Variants in LCT observed in about 807,000 individuals in gnomAD.
LCT encodes lactase.
In LCT, 90 loss-of-function variants were observed where a neutral mutation model predicts 173.0. The observed-to-expected ratio is 0.52, with a 90% CI of 0.44 to 0.62. The LOEUF (loss-of-function observed/expected upper bound fraction) is 0.62, where lower values mean the gene tolerates loss of function less well. LCT is among the 20% of genes least tolerant of loss of function. LCT has a pLI of 0.00. For missense variants in LCT, 1,864 were observed against 2,431.4 expected (o/e 0.77, Z 4.91); for synonymous variants, 853 against 957.6 (o/e 0.89, Z 2.02).
At chr2:135,823,792 T>C in intron 4 of LCT, 109 bp downstream of exon 4, 1 of 772,424 alleles carries the variant, frequency 1.3e-6, no homozygotes, top group South Asian at 1.5e-5. Flanking sequence ...TATACTAGTC[T>C]TCCTCCCATG....
chr2:135,799,750 G>A lies in LCT; in HGVS notation c.4866+857C>T, dbSNP rs1045947454. ...CAGGCGTGAGCCACCTTGCCCAGTC[G>A]GCTTCCTAGTAATGTCTCTACTTCC... is the stretch of plus-strand genomic sequence containing the variant. On this transcript the variant is annotated intron_variant, in intron 12 of 16. Transcript: ENST00000264162. Among the ~76,000 whole-genome samples the A allele has an allele frequency of 5.9e-5, 9 of 152,088 alleles. No homozygotes were observed. In the East Asian group the frequency reaches 7.7e-4, roughly 13 times the overall value.
intron 6 of LCT, 118 bp downstream of exon 6, chr2:135,817,223 C>A: frequency 7.8e-7 from 1 of 1,279,946 alleles, no homozygotes; most frequent in South Asian, 1.4e-5. Flanking sequence ...CCCCGATTTC[C>A]TTTAAAGAAA....
intron 5 of LCT, among the ~76,000 whole-genome samples, chr2:135,819,750 C>T (rs954834357): frequency 2.0e-5 from 3 of 152,170 alleles, no homozygotes; most frequent in African/African-American, 4.8e-5. Flanking sequence ...GGGGATGTGT[C>T]GCGTCCCCTC....
chr2:135,818,766 G>A (rs764815016), intron 5 of LCT, among the ~76,000 whole-genome samples: 1 of 152,230 alleles, frequency 6.6e-6, no homozygotes, highest in Non-Finnish European at 1.5e-5. Context: ...GAACCCGGGA[G>A]GCAGAGGTTG....
At position 135,788,560 on chromosome 2, in the gene LCT, A is replaced by G; in HGVS notation, c.5564-16T>C. 2.0e-6 allele frequency: 3 copies of G among 1,530,330 alleles called. No homozygotes were observed. Among genetic ancestry groups the G allele is most frequent in the Non-Finnish European group, 2.7e-6 (3 of 1,103,694 alleles). The allele number at this position is 1,530,330 out of a possible 1,614,324, so 94.8% of individuals were successfully genotyped here. On this transcript the variant is annotated splice_polypyrimidine_tract_variant and intron_variant, in intron 16 of 16. Transcript: ENST00000264162. ...GGTCCAGCATCTAGGAGAGTGTGAC[A>G]CAGGGTGGTTGGTGCTCTGGCGCTG...
chr2:135,830,375 AC>A (rs1368187175), intron 2 of LCT, among the ~76,000 whole-genome samples: 1 of 151,834 alleles, frequency 6.6e-6, no homozygotes, highest in African/African-American at 2.4e-5. Flanking sequence ...GACCATGCCA[AC>A]ACCCCCAGTG....
chr2:135,798,980 G>C (rs1488823087), intron 12 of LCT, among the ~76,000 whole-genome samples: 3 of 152,182 alleles, frequency 2.0e-5, no homozygotes, highest in East Asian at 3.9e-4. Flanking sequence ...TCACCAGTAA[G>C]TGGCTCAATC....
At chr2:135,824,136 A>G in intron 3 of LCT, 133 bp from the exon 4 acceptor site, 1 of 709,892 alleles carries the variant, frequency 1.4e-6, no homozygotes, top group Non-Finnish European at 2.6e-6. Context: ...ATCTCAGTTA[A>G]TTAAAGGAGT....
intron 9 of LCT, among the ~76,000 whole-genome samples, chr2:135,806,189 T>C (rs2077669549): frequency 6.6e-6 from 1 of 152,106 alleles, no homozygotes; most frequent in Non-Finnish European, 1.5e-5. Flanking sequence ...GGTTTTGCCA[T>C]GTCTTGCCCA....
At chr2:135,789,823 A>C in intron 15 of LCT, 25 bp from the exon 16 acceptor site, 1 of 1,591,152 alleles carries the variant, frequency 6.3e-7, no homozygotes, top group East Asian at 2.2e-5. Context: ...AGGACTAGGC[A>C]TAAGTTTCCT....
At chr2:135,825,204 C>T (rs1161986124) in intron 3 of LCT, among the ~76,000 whole-genome samples, 1 of 152,110 alleles carries the variant, frequency 6.6e-6, no homozygotes, top group Non-Finnish European at 1.5e-5. Flanking sequence ...CTCCTCTGAG[C>T]AACTAAAAGC....
At chr2:135,803,653 A>G (rs2077645198) in intron 11 of LCT, among the ~76,000 whole-genome samples, 1 of 152,224 alleles carries the variant, frequency 6.6e-6, no homozygotes, top group Non-Finnish European at 1.5e-5. Context: ...CCTTCCCCAC[A>G]TCAATTTGCC....
intron 13 of LCT, among the ~76,000 whole-genome samples, chr2:135,795,606 A>AATAATTATT (rs1553651485): frequency 2.0e-5 from 3 of 147,290 alleles, no homozygotes; most frequent in South Asian, 2.1e-4. Context: ...CTCCAACTCT[A>AATAATTATT]ATAATAATAA....
rs145013035 is a variant in LCT, at chr2:135,806,676, G to A, written c.4173+452C>T. 4.9e-3 allele frequency among the ~76,000 whole-genome samples: 750 copies of A among 152,344 alleles called. 3 individuals carry two copies. Among genetic ancestry groups the A allele is most frequent in the Middle Eastern group, 0.01 (3 of 294 alleles). On this transcript the variant is annotated intron_variant, in intron 9 of 16. Coordinates refer to ENST00000264162, the MANE Select transcript of LCT (RefSeq NM_002299.4). ...ATTCAGTACAGTAACAGGCTGTACA[G>A]GTTTGTAGCCTAGGAGCACTAGGCT...
At chr2:135,815,494 G>A (rs960431926) in intron 6 of LCT, among the ~76,000 whole-genome samples, 13 of 152,214 alleles carry the variant, frequency 8.5e-5, no homozygotes, top group East Asian at 3.9e-4. Context: ...TCTGACTTAC[G>A]TGCTACAATG....
chr2:135,808,361 AATC>A (rs1408863008), intron 8 of LCT, 79 bp downstream of exon 8: 15 of 1,117,848 alleles, frequency 1.3e-5, no homozygotes, highest in Non-Finnish European at 2.1e-5. Flanking sequence ...ATGGTTCATA[AATC>A]ATCCCGGCAA....
chr2:135,806,741 AG>A (rs949822342), intron 9 of LCT, among the ~76,000 whole-genome samples: 1 of 152,242 alleles, frequency 6.6e-6, no homozygotes, highest in Admixed American at 6.5e-5. Flanking sequence ...TACACTATCT[AG>A]GTGTGTGTAA....
rs753947237 is a variant in LCT, at chr2:135,809,768, G to A, written c.2579C>T (p.Thr860Ile). 11 of 1,614,050 alleles carry A rather than the reference G, an allele frequency of 6.8e-6. No individual in the cohort carries two copies. The highest frequency in any genetic ancestry group is 1.3e-5 in the African/African-American group (1 of 74,950). The stretch of plus-strand genomic sequence containing the variant: ...TCTGACTTTGGAGGGGAGGTTTACT[G>A]TATTAGGTGGTAGCAGTCTTTTTGC... ...KGAKRLLPPN[T>I]VNLPSKVRAF... The change falls in exon 8 of 17, where the codon ACA (threonine) becomes ATA (isoleucine). Residue 860 changes from threonine (T) to isoleucine (I), a missense_variant. By Grantham distance (89) the Thr-to-Ile change is moderately conservative. This residue lies in a region of LCT where 755 missense variants were observed against 926.3 expected (regional missense o/e 0.82). Transcript: ENST00000264162. This position sits in a 1 kb window ranked among gnomAD's most constrained non-coding sequence, Gnocchi z 5.5.
chr2:135,799,644 C>T (rs1275495790), intron 12 of LCT, among the ~76,000 whole-genome samples: 2 of 152,046 alleles, frequency 1.3e-5, no homozygotes, highest in Non-Finnish European at 2.9e-5. Flanking sequence ...GAGATGGGGT[C>T]TCACCATGTT....
Sources: gnomAD v4.1 joint callset for allele counts (sites outside exome capture counted in the v4.1 genomes callset) on GRCh38, gnomAD v4.1.1 for gene constraint, gnomAD v4.1.1 regional missense constraint, Gnocchi (gnomAD v3.1) non-coding constraint, MANE v1.5 for transcripts, NCBI Gene and HGNC (gene_info 2026-07-23, HGNC 2026-07-21) for gene names.